STIM1: variants seen among roughly 807,000 people sequenced by gnomAD.
STIM1 encodes stromal interaction molecule 1.
STIM1 carries 25 observed loss-of-function variants against 74.7 expected under a neutral mutation model. The ratio of observed to expected loss-of-function variants is 0.33; its 90% CI spans 0.24 to 0.47. The LOEUF is 0.47. Among genes scored for constraint, STIM1 ranks in the 20% least tolerant of loss-of-function variants. The pLI is 1.00. For synonymous variants in STIM1, 328 were observed against 348.8 expected, an observed-to-expected ratio of 0.94 and a Z score of 0.66; for missense variants, 728 against 920.8, an observed-to-expected ratio of 0.79 and a Z score of 2.71.
At chr11:3,994,748 C>T (rs1179990449) in intron 2 of STIM1, among the ~76,000 whole-genome samples, 1 of 152,066 alleles carries the variant, frequency 6.6e-6, no homozygotes, top group African/African-American at 2.4e-5. Context: ...GCTCCTTTTT[C>T]TTTATCTTCC....
At chr11:4,064,277 G>C (rs895868741) in intron 5 of STIM1, among the ~76,000 whole-genome samples, 3 of 152,184 alleles carry the variant, frequency 2.0e-5, no homozygotes, top group Admixed American at 6.5e-5. Flanking sequence ...AAGGGGTAGG[G>C]ACATGCCTGC....
chr11:3,982,570 ATC>A (rs2093517045), intron 2 of STIM1, among the ~76,000 whole-genome samples: 1 of 152,310 alleles, frequency 6.6e-6, no homozygotes, highest in South Asian at 2.1e-4. Flanking sequence ...CTTACAAGAA[ATC>A]TCTGAGACAG....
At chr11:4,017,960 C>A (rs909419753) in intron 2 of STIM1, among the ~76,000 whole-genome samples, 1 of 152,160 alleles carries the variant, frequency 6.6e-6, no homozygotes, top group Admixed American at 6.5e-5. Flanking sequence ...TCATGTTATA[C>A]CTCTGTTCAA....
chr11:3,892,903 G>T, intron 1 of STIM1: 2 of 1,373,284 alleles, frequency 1.5e-6, no homozygotes, highest in African/African-American at 1.4e-5. Context: ...ATAGTACGGG[G>T]CTCCCGGCAG....
At chr11:4,034,646 T>C (rs2094084020) in intron 3 of STIM1, among the ~76,000 whole-genome samples, 1 of 152,224 alleles carries the variant, frequency 6.6e-6, no homozygotes, top group African/African-American at 2.4e-5. Context: ...GGATGAATTA[T>C]GAAGTATTCC....
At chr11:4,091,227 CT>C (rs1210577564) in intron 12 of STIM1, 54 bp from the exon 13 acceptor site, 4 of 1,611,602 alleles carry the variant, frequency 2.5e-6, no homozygotes, top group African/African-American at 1.3e-5. Flanking sequence ...CGCCTTTCCC[CT>C]ATCACCTCAT....
intron 2 of STIM1, among the ~76,000 whole-genome samples, chr11:4,014,941 T>C (rs1197930043): frequency 6.6e-6 from 1 of 152,238 alleles, no homozygotes; most frequent in African/African-American, 2.4e-5. Flanking sequence ...AGCCTATGTG[T>C]GTCTTTACAC....
At chr11:3,895,789 TTCCTTCCTTC>T (rs2092129797) in intron 1 of STIM1, among the ~76,000 whole-genome samples, 1 of 97,076 alleles carries the variant, frequency 1.0e-5, no homozygotes, top group African/African-American at 6.2e-5. Flanking sequence ...CCTTCCTTCC[TTCCTTCCTTC>T]CTTCCTTTCT....
chr11:3,895,608 C>CTCTTTCTCTTTCTTTCTTTCTTTCTTCTT (rs1565104462), intron 1 of STIM1, among the ~76,000 whole-genome samples: 1 of 53,120 alleles, frequency 1.9e-5, no homozygotes, highest in African/African-American at 1.1e-4. Context: ...TTCTTTCTCT[C>CTCTTTCTCTTTCTTTCTTTCTTTCTTCTT]TCTTTCTTTC....
chr11:3,886,965 T>C, intron 1 of STIM1, among the ~76,000 whole-genome samples: 1 of 150,342 alleles, frequency 6.7e-6, no homozygotes, highest in East Asian at 2.0e-4. Context: ...ATCGCACCAC[T>C]GCACTCCAGC....
At chr11:4,062,674 A>G (rs565814979) in intron 5 of STIM1, among the ~76,000 whole-genome samples, 124 of 152,330 alleles carry the variant, frequency 8.1e-4, no homozygotes, top group African/African-American at 2.9e-3. Flanking sequence ...TATTATTTGT[A>G]TAGTCCACAG....
intron 1 of STIM1, among the ~76,000 whole-genome samples, chr11:3,914,627 A>G (rs2135493929): frequency 6.6e-6 from 1 of 152,252 alleles, no homozygotes; most frequent in African/African-American, 2.4e-5. Context: ...TTTTTAGTGG[A>G]GATGGGGTTT....
chr11:4,001,913 C>CA (rs2135911672), intron 2 of STIM1, among the ~76,000 whole-genome samples: 1 of 134,056 alleles, frequency 7.5e-6, no homozygotes, highest in African/African-American at 2.8e-5. Context: ...AAATGGAAAA[C>CA]AAAAAAAGGC....
intron 1 of STIM1, among the ~76,000 whole-genome samples, chr11:3,864,136 T>A (rs2135228026): frequency 6.6e-6 from 1 of 152,300 alleles, no homozygotes; most frequent in Non-Finnish European, 1.5e-5. Context: ...TAATAAAGTC[T>A]GGGTGCTAAT....
chr11:4,041,541 G>A (rs902155652), intron 3 of STIM1, among the ~76,000 whole-genome samples: 1 of 151,912 alleles, frequency 6.6e-6, no homozygotes. Context: ...TTTGCCCATG[G>A]TCTTACATCT....
At chr11:4,051,598 C>A (rs375713418) in intron 3 of STIM1, among the ~76,000 whole-genome samples, 98 of 152,182 alleles carry the variant, frequency 6.4e-4, no homozygotes, top group African/African-American at 2.3e-3. Flanking sequence ...CTGCCTTCGC[C>A]TCCCAAAGTG....
chr11:3,900,426 G>A (rs143245411), intron 1 of STIM1, among the ~76,000 whole-genome samples: 11 of 152,248 alleles, frequency 7.2e-5, no homozygotes, highest in Non-Finnish European at 1.2e-4. Flanking sequence ...GCTCGTGCAC[G>A]GTGCGCCGCA....
At chr11:4,009,683 T>C (rs771229991) in intron 2 of STIM1, among the ~76,000 whole-genome samples, 29 of 152,108 alleles carry the variant, frequency 1.9e-4, no homozygotes, top group Admixed American at 1.1e-3. Context: ...TTCATAAAAA[T>C]AGTGTGCTTG....
chr11:3,896,161 T>C (rs76509551), intron 1 of STIM1, among the ~76,000 whole-genome samples: 43,103 of 150,198 alleles, frequency 0.29, 5,168 homozygotes, highest in African/African-American at 0.44. Flanking sequence ...ACCTCGGCCT[T>C]CCAAAGTGCT....
Sources: gnomAD v4.1 joint callset for allele counts (sites outside exome capture counted in the v4.1 genomes callset) on GRCh38, gnomAD v4.1.1 for gene constraint, MANE v1.5 for transcripts, NCBI Gene and HGNC (gene_info 2026-07-23, HGNC 2026-07-21) for gene names.